SSBP2: variants seen among roughly 807,000 people sequenced by gnomAD.
SSBP2 encodes single-stranded DNA-binding protein 2.
A neutral mutation model predicts 61.8 loss-of-function variants in SSBP2; 17 were observed. The observed-to-expected ratio is 0.28, with a 90% CI of 0.19 to 0.41. The LOEUF is 0.41. Among genes scored for constraint, SSBP2 ranks in the 10% least tolerant of loss-of-function variants. The pLI is 1.00. For synonymous variants in SSBP2, 139 were observed against 141.3 expected, an observed-to-expected ratio of 0.98 and a Z score of 0.12; for missense variants, 310 against 458.7, an observed-to-expected ratio of 0.68 and a Z score of 2.96.
intron 1 of SSBP2, among the ~76,000 whole-genome samples, chr5:81,725,999 T>G (rs1263755117): frequency 6.6e-6 from 1 of 152,126 alleles, no homozygotes; most frequent in Non-Finnish European, 1.5e-5. Context: ...CACAATATAA[T>G]TTATATAAAT....
At chr5:81,598,069 A>C (rs1357601194) in intron 4 of SSBP2, among the ~76,000 whole-genome samples, 1 of 151,782 alleles carries the variant, frequency 6.6e-6, no homozygotes, top group African/African-American at 2.4e-5. Flanking sequence ...AAATACTTTA[A>C]AACATAATAG....
Position 81,492,755 on chromosome 5 carries a change from A to G in SSBP2, c.373-3446T>C, listed in dbSNP as rs187901324. ...CCTGGGTTTTAGTTTCTGTACCTCT[A>G]TTAATTAGCAGTGTCCCTGAGCTAA... On this transcript the variant is annotated intron_variant, in intron 5 of 16. Coordinates refer to ENST00000320672, the MANE Select transcript of SSBP2 (RefSeq NM_012446.5). 2.4e-3 allele frequency among the ~76,000 whole-genome samples: 358 copies of G among 152,264 alleles called. 1 individual carries two copies. The highest frequency in any genetic ancestry group is 4.4e-3 in the Non-Finnish European group (298 of 68,014).
At chr5:81,616,359 G>A (rs1285113406) in intron 3 of SSBP2, 1 of 143,990 alleles carries the variant, frequency 6.9e-6, no homozygotes, top group Non-Finnish European at 1.5e-5. Flanking sequence ...CTGGAAAATC[G>A]GGTCACTCCC....
At chr5:81,597,342 T>C (rs1301851058) in intron 4 of SSBP2, among the ~76,000 whole-genome samples, 1 of 152,018 alleles carries the variant, frequency 6.6e-6, no homozygotes, top group Non-Finnish European at 1.5e-5. Flanking sequence ...ATGGCAATCA[T>C]TAAAGTCAGG....
chr5:81,667,749 C>T (rs948569328), intron 1 of SSBP2, among the ~76,000 whole-genome samples: 1 of 152,068 alleles, frequency 6.6e-6, no homozygotes, highest in African/African-American at 2.4e-5. Flanking sequence ...ATTGTTACCT[C>T]TACAGAGAAA....
intron 4 of SSBP2, among the ~76,000 whole-genome samples, chr5:81,587,736 T>TACACACACACGC (rs1775163256): frequency 6.9e-6 from 1 of 144,002 alleles, no homozygotes; most frequent in Non-Finnish European, 1.5e-5. Context: ...TCTCAAAACA[T>TACACACACACGC]ACACACACAC....
At chr5:81,433,938 G>C (rs1762505780) in intron 15 of SSBP2, among the ~76,000 whole-genome samples, 1 of 152,182 alleles carries the variant, frequency 6.6e-6, no homozygotes, top group Non-Finnish European at 1.5e-5. Flanking sequence ...AGATTGTATA[G>C]CTAATGAGAA....
intron 7 of SSBP2, among the ~76,000 whole-genome samples, chr5:81,474,273 T>C (rs1252960133): frequency 1.3e-5 from 2 of 152,170 alleles, no homozygotes; most frequent in Non-Finnish European, 2.9e-5. Context: ...AAAATATGGA[T>C]TTTTGGATCC....
chr5:81,553,828 TTC>T (rs998746220), intron 4 of SSBP2, among the ~76,000 whole-genome samples: 18 of 152,034 alleles, frequency 1.2e-4, no homozygotes, highest in Non-Finnish European at 2.2e-4. Context: ...CTTTTTTGCT[TTC>T]TCTTCTTTTC....
chr5:81,483,634 G>T (rs534668424), intron 6 of SSBP2, among the ~76,000 whole-genome samples: 82 of 152,114 alleles, frequency 5.4e-4, no homozygotes, highest in African/African-American at 1.9e-3. Context: ...GATGCCAGAC[G>T]CATTTAGGTG....
At chr5:81,445,979 A>C (rs1763377640) in intron 12 of SSBP2, among the ~76,000 whole-genome samples, 1 of 152,194 alleles carries the variant, frequency 6.6e-6, no homozygotes, top group African/African-American at 2.4e-5. Flanking sequence ...AATAATTATA[A>C]TGGCTCTATT....
intron 10 of SSBP2, among the ~76,000 whole-genome samples, chr5:81,451,504 G>A (rs1763769866): frequency 1.3e-5 from 2 of 152,138 alleles, no homozygotes; most frequent in South Asian, 2.1e-4. Flanking sequence ...TAGGCTCACT[G>A]TAACCTCTGC....
intron 1 of SSBP2, among the ~76,000 whole-genome samples, chr5:81,748,980 T>G (rs1303953405): frequency 2.0e-5 from 3 of 152,088 alleles, no homozygotes; most frequent in African/African-American, 2.4e-5. Flanking sequence ...TCACCTAAAA[T>G]CTAAAATTAC....
At chr5:81,669,635 C>T (rs1014955839) in intron 1 of SSBP2, among the ~76,000 whole-genome samples, 3 of 152,036 alleles carry the variant, frequency 2.0e-5, no homozygotes, top group Non-Finnish European at 4.4e-5. Context: ...GGGAACATCA[C>T]ACACCACGGC....
chr5:81,523,859 T>C (rs1264573454), intron 4 of SSBP2, among the ~76,000 whole-genome samples: 1 of 152,000 alleles, frequency 6.6e-6, no homozygotes, highest in Non-Finnish European at 1.5e-5. Context: ...CGAAATACCA[T>C]AGTTTAAAGA....
In SSBP2 at chr5:81,447,138, A is replaced by T. The variant is rs553366452; in HGVS notation, c.724-216T>A. The stretch of plus-strand genomic sequence containing the variant: ...TTTTGACAAATTTCCAAAAACAATG[A>T]GCCTGTACCATTAATTCATTATTCA... On this transcript the variant is annotated intron_variant, in intron 11 of 16. Coordinates refer to ENST00000320672, the MANE Select transcript of SSBP2 (RefSeq NM_012446.5). Among the ~76,000 whole-genome samples the T allele has an allele frequency of 2.6e-5, 4 of 152,352 alleles. No individual in the cohort carries two copies. The East Asian group carries it at 7.7e-4, about 29-fold the overall frequency.
chr5:81,582,591 CTTCTT>C (rs779055426), intron 4 of SSBP2, among the ~76,000 whole-genome samples: 1 of 151,936 alleles, frequency 6.6e-6, no homozygotes, highest in Non-Finnish European at 1.5e-5. Flanking sequence ...AGATTACTGT[CTTCTT>C]TTATTTTTTC....
chr5:81,523,833 A>T (rs895495873), intron 4 of SSBP2, among the ~76,000 whole-genome samples: 1 of 152,020 alleles, frequency 6.6e-6, no homozygotes, highest in African/African-American at 2.4e-5. Flanking sequence ...TAATAAAATA[A>T]CCTTAAAGAG....
chr5:81,505,139 G>C lies in SSBP2; in HGVS notation c.372+8489C>G, dbSNP rs1036539785. ...AATTATGGCTCACAGGCCAAATGCT[G>C]CCCATCACCTGTTTTTTTTTGTAAG... is the stretch of plus-strand genomic sequence containing the variant. On this transcript the variant is annotated intron_variant, in intron 5 of 16. Transcript: ENST00000320672. Among the ~76,000 whole-genome samples the C allele has an allele frequency of 2.7e-5, 4 of 147,652 alleles. No individual in the cohort carries two copies. In the South Asian group the frequency reaches 8.5e-4, roughly 31 times the overall value.
Sources: gnomAD v4.1 joint callset for allele counts (sites outside exome capture counted in the v4.1 genomes callset) on GRCh38, gnomAD v4.1.1 for gene constraint, MANE v1.5 for transcripts, NCBI Gene and HGNC (gene_info 2026-07-23, HGNC 2026-07-21) for gene names.